Variants in NT5DC3 observed in about 807,000 individuals in gnomAD.
The protein encoded by NT5DC3 is 5'-nucleotidase domain containing 3.
Under a neutral mutation model 67.8 loss-of-function variants are expected in NT5DC3, and 42 were observed. That is an observed-to-expected ratio of 0.62 (90% CI 0.48 to 0.80). The LOEUF is 0.80. Ranked by LOEUF, NT5DC3 falls within the 30% of genes least tolerant of loss-of-function variation. The pLI, the probability that NT5DC3 is intolerant of heterozygous loss-of-function variation, is 0.00. For synonymous variants in NT5DC3, 237 were observed against 255.6 expected (o/e 0.93, Z 0.69); for missense variants, 570 against 696.4 (o/e 0.82, Z 2.04).
chr12:103,767,122 C>CTT (rs1885015643), downstream of NT5DC3, among the ~76,000 whole-genome samples: 1 of 152,158 alleles, frequency 6.6e-6, no homozygotes, highest in South Asian at 2.1e-4. Flanking sequence ...CGTACAAAAA[C>CTT]TTGTACATGC....
the NT5DC3 span, chr12:103,761,339 T>C: frequency 1.2e-6 from 2 of 1,614,090 alleles, no homozygotes; most frequent in Non-Finnish European, 1.7e-6. Context: ...CATTCTGCAG[T>C]GGGACATCTT....
chr12:103,769,412 C>T (rs758058103), downstream of NT5DC3, among the ~76,000 whole-genome samples: 2 of 152,232 alleles, frequency 1.3e-5, no homozygotes, highest in African/African-American at 2.4e-5. Context: ...ACTTGGTTCC[C>T]CACTCCTGAG....
chr12:103,756,996 A>AAAAAAAAT, the NT5DC3 span, among the ~76,000 whole-genome samples: 2 of 56,382 alleles, frequency 3.5e-5, no homozygotes, highest in African/African-American at 2.1e-4. Context: ...AAGGAGGGAA[A>AAAAAAAAT]ATATATATAT....
chr12:103,787,023 C>T (rs1885815506), intron 11 of NT5DC3, among the ~76,000 whole-genome samples: 1 of 152,050 alleles, frequency 6.6e-6, no homozygotes, highest in Non-Finnish European at 1.5e-5. Flanking sequence ...ATTTCTCTTC[C>T]TCCTAATAAT....
chr12:103,797,106 A>G (rs1886353075), intron 5 of NT5DC3, 75 bp from the exon 6 acceptor site: 2 of 1,524,234 alleles, frequency 1.3e-6, no homozygotes. Flanking sequence ...CACCAGGAAC[A>G]GCAGGAAGCC....
At chr12:103,758,273 G>T in the NT5DC3 span, 1 of 1,613,782 alleles carries the variant, frequency 6.2e-7, no homozygotes, top group Non-Finnish European at 8.5e-7. Context: ...CAGAACAGTG[G>T]GCTGGGGGAG....
intron 6 of NT5DC3, among the ~76,000 whole-genome samples, chr12:103,795,596 C>T: frequency 6.6e-6 from 1 of 151,818 alleles, no homozygotes; most frequent in Non-Finnish European, 1.5e-5. Context: ...ATTCACGCTG[C>T]CAAAACTTAC....
Position 103,798,754 on chromosome 12 carries a change from G to C in NT5DC3, c.525-77C>G, listed in dbSNP as rs1593403577. 2.8e-6 allele frequency: 3 copies of C among 1,068,336 alleles called. No individual in the cohort carries two copies. The East Asian group carries it at 7.2e-5, about 26-fold the overall frequency. 66.2% of individuals were successfully genotyped at this position (1,068,336 alleles called of 1,614,324 possible). ...TTTTCACACCCCTGTGCAGTGCTGG[G>C]ATTTTTCAATTGAGGTGCAAGGCAC... On this transcript the variant is annotated intron_variant, in intron 4 of 13. Coordinates refer to ENST00000392876, the MANE Select transcript of NT5DC3 (RefSeq NM_001031701.3).
intron 9 of NT5DC3, among the ~76,000 whole-genome samples, chr12:103,790,690 A>G (rs934566087): frequency 9.2e-5 from 12 of 129,852 alleles, no homozygotes; most frequent in African/African-American, 3.4e-4. Context: ...CGGCCCAAGT[A>G]CATCTTTTTT....
In NT5DC3 at chr12:103,774,695, A is replaced by G. The variant is rs1057261999; in HGVS notation, c.*3134T>C. 1 of 151,398 alleles carries G rather than the reference A, an allele frequency of 6.6e-6. No individual in the cohort carries two copies. The highest frequency in any genetic ancestry group is 1.5e-5 in the Non-Finnish European group (1 of 67,814). 9.4% of individuals were successfully genotyped at this position (151,398 alleles called of 1,614,324 possible). ...GCAAAACTAAATCTCAAAAAAAAAAAAAAAAAAAAAGAGAAAAGAGTCATG... is the reference window on the plus strand; with the variant it reads ...GCAAAACTAAATCTCAAAAAAAAAAGAAAAAAAAAAGAGAAAAGAGTCATG... On this transcript the variant is annotated 3_prime_UTR_variant, in exon 14 of 14. Transcript: ENST00000392876.
the NT5DC3 span, among the ~76,000 whole-genome samples, chr12:103,756,087 A>C: frequency 1.4e-5 from 2 of 147,162 alleles, no homozygotes; most frequent in Non-Finnish European, 3.0e-5. Context: ...GGAACAGTTT[A>C]AGAGCATGGT....
chr12:103,801,658 G>A (rs1886589151), intron 4 of NT5DC3, among the ~76,000 whole-genome samples: 1 of 152,070 alleles, frequency 6.6e-6, no homozygotes, highest in Non-Finnish European at 1.5e-5. Context: ...TGGGATTACA[G>A]GCACGAGCCA....
Position 103,773,784 on chromosome 12 carries a change from G to A in NT5DC3, c.*4045C>T, listed in dbSNP as rs1885251616. 6.6e-6 allele frequency: 1 copy of A among 152,470 alleles called. No individual in the cohort carries two copies. Among genetic ancestry groups the A allele is most frequent in the Non-Finnish European group, 1.5e-5 (1 of 68,024 alleles). The allele number at this position is 152,470 out of a possible 1,614,324, so 9.4% of individuals were successfully genotyped here. A position where few individuals can be genotyped will look rare whatever the true frequency, so the allele number is the denominator to read the frequency against. ...TGCTTAAAAGGCCTTTTGAGAAGAG[G>A]ACAGAAGAAAAGCCACTTAGTTTGC... On this transcript the variant is annotated 3_prime_UTR_variant, in exon 14 of 14. Transcript: ENST00000392876.
Position 103,794,220 on chromosome 12 carries a change from G to A in NT5DC3, c.754-223C>T, listed in dbSNP as rs1321393906. Among the ~76,000 whole-genome samples, 13 of 63,728 alleles carry A rather than the reference G, an allele frequency of 2.0e-4. 1 individual carries two copies. Among genetic ancestry groups the A allele is most frequent in the East Asian group, 8.2e-3 (1 of 122 alleles). 41.8% of individuals were successfully genotyped at this position (63,728 alleles called of 152,430 possible). A position where few individuals can be genotyped will look rare whatever the true frequency, so the allele number is the denominator to read the frequency against. ...GCTGAAGTGCAGTGGTCCCATCTCA[G>A]CTCAATGCAGCCTCTGCCTCCTGGG... On this transcript the variant is annotated intron_variant, in intron 6 of 13. Transcript: ENST00000392876.
chr12:103,749,164 G>T, the NT5DC3 span: 1 of 1,585,864 alleles, frequency 6.3e-7, no homozygotes, highest in South Asian at 1.1e-5. Flanking sequence ...CCGGTGAGTC[G>T]CTCTTTCCCA....
intron 12 of NT5DC3, among the ~76,000 whole-genome samples, chr12:103,782,808 G>A (rs1181050418): frequency 3.3e-5 from 5 of 152,176 alleles, no homozygotes; most frequent in Admixed American, 1.3e-4. Context: ...CTAACATGGT[G>A]AAACCCCATC....
At chr12:103,758,131 C>T in the NT5DC3 span, 20 of 1,612,992 alleles carry the variant, frequency 1.2e-5, no homozygotes, top group Non-Finnish European at 1.7e-5. Context: ...CCCTGCACAC[C>T]AGGGCTGGCC....
At chr12:103,755,652 C>T in the NT5DC3 span, 2 of 1,614,168 alleles carry the variant, frequency 1.2e-6, no homozygotes, top group Non-Finnish European at 1.7e-6. Context: ...TGGGAGATGG[C>T]TTCTCATGCA....
chr12:103,808,183 C>T (rs1263652459), intron 2 of NT5DC3, among the ~76,000 whole-genome samples: 1 of 152,172 alleles, frequency 6.6e-6, no homozygotes, highest in African/African-American at 2.4e-5. Flanking sequence ...TCTGCTGCTA[C>T]TACACGGCAG....
Sources: gnomAD v4.1 joint callset for allele counts (sites outside exome capture counted in the v4.1 genomes callset) on GRCh38, gnomAD v4.1.1 for gene constraint, MANE v1.5 for transcripts, NCBI Gene and HGNC (gene_info 2026-07-23, HGNC 2026-07-21) for gene names.